WDR6: variants seen among roughly 807,000 people sequenced by gnomAD.
The protein encoded by WDR6 is WD repeat domain 6.
Under a neutral mutation model 85.6 loss-of-function variants are expected in WDR6, and 58 were observed. The observed-to-expected ratio is 0.68, with a 90% confidence interval of 0.55 to 0.84. WDR6 has a LOEUF of 0.84. Ranked by LOEUF, WDR6 falls within the 40% of genes least tolerant of loss-of-function variation. WDR6 has a pLI of 0.00. For missense variants in WDR6, 1,310 were observed against 1,476.4 expected, an observed-to-expected ratio of 0.89 and a Z score of 1.85; for synonymous variants, 569 against 582.2, an observed-to-expected ratio of 0.98 and a Z score of 0.33.
At chr3:49,009,303 T>C in intron 1 of WDR6, among the ~76,000 whole-genome samples, 1 of 68,022 alleles carries the variant, frequency 1.5e-5, no homozygotes, top group African/African-American at 7.1e-5. Flanking sequence ...ACCCTCCCAT[T>C]GCTCCCCACC....
Position 49,014,214 on chromosome 3 carries a change from A to G in WDR6, c.2587A>G (p.Met863Val), listed in dbSNP as rs750786035. Residue 863 changes from methionine (M) to valine (V), a missense_variant, in exon 3 of 6, where the codon ATG (methionine) becomes GTG (valine). Physicochemically the swap from Met to Val is conservative, Grantham distance 21. Transcript: ENST00000608424. This position sits in a 1 kb window ranked among gnomAD's most constrained non-coding sequence, Gnocchi z 4.9. ...AGCTGCATGTTGTCTCTGCAGGTAC[A>G]TGTCCCTTGCTGTGTGTGAACTTGA... ...MVKVDPETRYMSLAVCELDQP... is the reference protein window; with the variant it reads ...MVKVDPETRYVSLAVCELDQP... 4.3e-6 allele frequency: 7 copies of G among 1,613,928 alleles called. No individual in the cohort carries two copies. In the East Asian group the frequency reaches 6.7e-5, roughly 15 times the overall value.
At chr3:49,009,397 ACT>A (rs1321618640) in intron 1 of WDR6, among the ~76,000 whole-genome samples, 1 of 139,958 alleles carries the variant, frequency 7.1e-6, no homozygotes, top group Non-Finnish European at 1.5e-5. Context: ...TTGAATCCTA[ACT>A]CTAAATATTG....
chr3:49,014,089 G>A lies in WDR6; in HGVS notation c.2555G>A (p.Arg852Gln), dbSNP rs373762901. 82 of 1,613,332 alleles carry A rather than the reference G, an allele frequency of 5.1e-5. No individual in the cohort carries two copies. The highest frequency in any genetic ancestry group is 1.6e-4 in the Middle Eastern group (1 of 6,084). ...TGGGACCGGCAACGCAATCGGCATC[G>A]GATGGTTAAGGTAGACCCAGAGACC... ...EYWDRQRNRH[R>Q]MVKVDPETRY... The change falls in exon 2 of 6, where the codon CGG (arginine) becomes CAG (glutamine). Residue 852 changes from arginine (R) to glutamine (Q), a missense_variant. By Grantham distance (43) the Arg-to-Gln change is conservative. Transcript: ENST00000608424. This position sits in a 1 kb window ranked among gnomAD's most constrained non-coding sequence, Gnocchi z 4.9.
rs1323421074 is a variant in WDR6, at chr3:49,014,448, G to A, written c.2732G>A (p.Arg911Gln). ...CTTGCTGAAACCTTCCACCATAAGCGATGTGTCCTCAAGGTCCACTCCTTT... is the reference window on the plus strand; with the variant it reads ...CTTGCTGAAACCTTCCACCATAAGCAATGTGTCCTCAAGGTCCACTCCTTT... ...QLLAETFHHK[R>Q]CVLKVHSFTH... Residue 911 changes from arginine (R) to glutamine (Q), a missense_variant, in exon 4 of 6, where the codon CGA becomes CAA. Physicochemically the swap from Arg to Gln is conservative, Grantham distance 43. Coordinates refer to ENST00000608424, the MANE Select transcript of WDR6 (RefSeq NM_018031.6). The surrounding 1 kb of genome is among the most constrained non-coding windows in gnomAD (Gnocchi z 4.9). The A allele has an allele frequency of 1.1e-5, 18 of 1,613,954 alleles. No homozygotes were observed. The highest frequency in any genetic ancestry group is 2.2e-5 in the East Asian group (1 of 44,888).
Position 49,015,694 on chromosome 3 carries a change from TGTG to T in WDR6, c.*409_*411del. The T allele has an allele frequency of 1.9e-6, 3 of 1,613,648 alleles. No homozygotes were observed. Among genetic ancestry groups the T allele is most frequent in the Non-Finnish European group, 2.5e-6 (3 of 1,179,912 alleles). On this transcript the variant is annotated 3_prime_UTR_variant, in exon 6 of 6. Transcript: ENST00000608424. ...GCGGACGAACATCTGACCAAAGAGG[TGTG>T]GTCGAGGCTCCTGAAAGAGAAAGGG...
In WDR6 at chr3:49,014,139, G is replaced by T. The variant is rs770301572; in HGVS notation, c.2582+23G>T. The T allele has an allele frequency of 1.2e-6, 2 of 1,613,832 alleles. No individual in the cohort carries two copies. Among genetic ancestry groups the T allele is most frequent in the Non-Finnish European group, 1.7e-6 (2 of 1,179,784 alleles). Reference sequence around the variant, plus strand: ...CAGGTAATATATGCTCCTGGGCAGGGTGTGGTATGGGTCATGCAGATGCTC... The same window carrying T: ...CAGGTAATATATGCTCCTGGGCAGGTTGTGGTATGGGTCATGCAGATGCTC... On this transcript the variant is annotated intron_variant, in intron 2 of 5. Transcript: ENST00000608424. The surrounding 1 kb of genome is among the most constrained non-coding windows in gnomAD (Gnocchi z 4.9).
rs751901001 is a variant in WDR6 at position 49,013,790 on chromosome 3, C to T, written c.2256C>T (p.Val752=). 3.7e-6 allele frequency: 6 copies of T among 1,614,132 alleles called. No individual in the cohort carries two copies. Among genetic ancestry groups the T allele is most frequent in the Non-Finnish European group, 5.1e-6 (6 of 1,180,004 alleles). Residue 752 remains valine (V), a synonymous_variant, in exon 2 of 6, where the codon GTC becomes GTT. Coordinates refer to ENST00000608424, the MANE Select transcript of WDR6 (RefSeq NM_018031.6). The surrounding 1 kb of genome is among the most constrained non-coding windows in gnomAD (Gnocchi z 4.6). ...IVITCSEDTT[V]CVLALPTTTG... ...TCACATGTAGTGAGGACACTACTGT[C>T]TGTGTCCTAGCACTCCCTACAACCA...
chr3:49,014,880 G>A lies in WDR6; in HGVS notation c.2958G>A (p.Leu986=). ...LQAHSCGINS[L]HTLPTREGHH... ...CCCACAGCTGTGGTATCAACAGCCT[G>A]CACACCTTGCCCACCCGTGAGGGCC... Residue 986 remains leucine (L), a synonymous_variant, in exon 6 of 6, where the codon CTG becomes CTA. Coordinates refer to ENST00000608424, the MANE Select transcript of WDR6 (RefSeq NM_018031.6). This position sits in a 1 kb window ranked among gnomAD's most constrained non-coding sequence, Gnocchi z 4.9. The A allele has an allele frequency of 6.2e-7, 1 of 1,613,318 alleles. No homozygotes were observed. Among genetic ancestry groups the A allele is most frequent in the Non-Finnish European group, 8.5e-7 (1 of 1,179,464 alleles).
chr3:49,007,740 C>A lies in WDR6; in HGVS notation c.100+209C>A, dbSNP rs545389721. On this transcript the variant is annotated intron_variant, in intron 1 of 5. Coordinates refer to ENST00000608424, the MANE Select transcript of WDR6 (RefSeq NM_018031.6). This position sits in a 1 kb window ranked among gnomAD's most constrained non-coding sequence, Gnocchi z 5.1. The stretch of plus-strand genomic sequence containing the variant: ...GCCCGAGAGACAAAGCTGATGTGGC[C>A]GCCGCGGCGCTTCATAAACTTCAGC... 8 of 1,239,542 alleles carry A rather than the reference C, an allele frequency of 6.5e-6. No homozygotes were observed. The African/African-American group carries it at 1.1e-4, about 17-fold the overall frequency. 76.8% of individuals were successfully genotyped at this position (1,239,542 alleles called of 1,614,324 possible).
chr3:49,013,621 G>A lies in WDR6; in HGVS notation c.2087G>A (p.Arg696Gln), dbSNP rs1018537317. 1.2e-6 allele frequency: 2 copies of A among 1,613,992 alleles called. No individual in the cohort carries two copies. Among genetic ancestry groups the A allele is most frequent in the African/African-American group, 1.3e-5 (1 of 74,888 alleles). The change falls in exon 2 of 6, where the codon CGG (arginine) becomes CAG (glutamine). Residue 696 changes from arginine (R) to glutamine (Q), a missense_variant. Transcript: ENST00000608424. This position sits in a 1 kb window ranked among gnomAD's most constrained non-coding sequence, Gnocchi z 4.6. ...GGCTRPHVIL[R>Q]EGLHGREITC... ...TGCACCCGGCCACACGTGATTCTCCGGGAGGGTCTGCATGGCCGTGAGATC... is the reference window on the plus strand; with the variant it reads ...TGCACCCGGCCACACGTGATTCTCCAGGAGGGTCTGCATGGCCGTGAGATC...
At chr3:49,009,934 C>T (rs1435488686) in intron 1 of WDR6, among the ~76,000 whole-genome samples, 1 of 151,762 alleles carries the variant, frequency 6.6e-6, no homozygotes, top group Non-Finnish European at 1.5e-5. Flanking sequence ...TGCCCTGTTG[C>T]CCAGGCTGGT....
At position 49,015,388 on chromosome 3, in the gene WDR6, G is replaced by A. The variant is rs961779172; in HGVS notation, c.*100G>A. ...TGCCCATGCTCAGCATGCCTTGAGG[G>A]GAGGAGGTGGTGGCCGTGGGTTCCT... On this transcript the variant is annotated 3_prime_UTR_variant, in exon 6 of 6. Coordinates refer to ENST00000608424, the MANE Select transcript of WDR6 (RefSeq NM_018031.6). The A allele has an allele frequency of 2.9e-5, 43 of 1,475,698 alleles. No homozygotes were observed. The highest frequency in any genetic ancestry group is 3.9e-5 in the Non-Finnish European group (43 of 1,088,830). 91.4% of individuals were successfully genotyped at this position (1,475,698 alleles called of 1,614,324 possible). A position where few individuals can be genotyped will look rare whatever the true frequency, so the allele number is the denominator to read the frequency against.
Position 49,012,545 on chromosome 3 carries a change from C to T in WDR6, c.1011C>T (p.Val337=). 4 of 1,614,016 alleles carry T rather than the reference C, an allele frequency of 2.5e-6. No homozygotes were observed. Among genetic ancestry groups the T allele is most frequent in the Non-Finnish European group, 3.4e-6 (4 of 1,180,014 alleles). Residue 337 remains valine, a synonymous_variant, in exon 2 of 6, where the codon GTC becomes GTT. Transcript: ENST00000608424. This position sits in a 1 kb window ranked among gnomAD's most constrained non-coding sequence, Gnocchi z 4.4. ...GGCGTGGGTACCGGGGATTGGGGGT[C>T]TCGGCTCTCTGCTTCAAGTCCCGTA... The part of the protein sequence containing the change: ...LVGRGYRGLG[V]SALCFKSRSR...
At position 49,013,392 on chromosome 3, in the gene WDR6, C is replaced by T. The variant is rs576036071; in HGVS notation, c.1858C>T (p.Arg620Cys). Residue 620 changes from arginine (R) to cysteine (C), a missense_variant, in exon 2 of 6, where the codon CGT (arginine) becomes TGT (cysteine). Transcript: ENST00000608424. The surrounding 1 kb of genome is among the most constrained non-coding windows in gnomAD (Gnocchi z 4.6). ...CRGMNWLAGL[R>C]IVPDGSMVIL... ...AGGCATGAACTGGCTAGCTGGGCTC[C>T]GTATAGTGCCCGATGGGAGCATGGT... The T allele has an allele frequency of 2.5e-5, 40 of 1,614,160 alleles. No individual in the cohort carries two copies. The Middle Eastern group carries it at 4.9e-4, about 20-fold the overall frequency.
Position 49,015,771 on chromosome 3 carries a change from T to G in WDR6, c.*483T>G. 1 of 1,614,114 alleles carries G rather than the reference T, an allele frequency of 6.2e-7. No individual in the cohort carries two copies. The highest frequency in any genetic ancestry group is 8.5e-7 in the Non-Finnish European group (1 of 1,180,000). On this transcript the variant is annotated 3_prime_UTR_variant, in exon 6 of 6. Coordinates refer to ENST00000608424, the MANE Select transcript of WDR6 (RefSeq NM_018031.6). ...CCTTTGCCTTTACCCTATACCTCTC[T>G]GCACGTCCCACCCCATTTTGCTGTG...
rs959619431 is a variant in WDR6 at position 49,015,464 on chromosome 3, C to T, written c.*176C>T. 1.1e-5 allele frequency: 16 copies of T among 1,484,974 alleles called. No homozygotes were observed. Among genetic ancestry groups the T allele is most frequent in the African/African-American group, 4.2e-5 (3 of 71,730 alleles). The allele number at this position is 1,484,974 out of a possible 1,614,324, so 92.0% of individuals were successfully genotyped here. On this transcript the variant is annotated 3_prime_UTR_variant, in exon 6 of 6. Coordinates refer to ENST00000608424, the MANE Select transcript of WDR6 (RefSeq NM_018031.6). The stretch of plus-strand genomic sequence containing the variant: ...AGTGGAGTGCTGCCAAGAATATGCC[C>T]GACTCCCCATGACAAGACAGAACTT...
Position 49,011,764 on chromosome 3 carries a change from A to G in WDR6, c.230A>G (p.Asp77Gly), listed in dbSNP as rs759285128. The change falls in exon 2 of 6, where the codon GAC becomes GGC. Residue 77 changes from aspartate (D) to glycine (G), a missense_variant. Asp to Gly is a moderately conservative substitution (Grantham distance 94). Transcript: ENST00000608424. Reference sequence around the variant, plus strand: ...CGGGTACGGCCAGAGCCTAATGGAGACCTTGACTTGGAGGCCATGGTGGCT... The same window carrying G: ...CGGGTACGGCCAGAGCCTAATGGAGGCCTTGACTTGGAGGCCATGGTGGCT... ...GFRVRPEPNG[D>G]LDLEAMVAVF... 9.9e-6 allele frequency: 16 copies of G among 1,614,162 alleles called. No individual in the cohort carries two copies. The highest frequency in any genetic ancestry group is 4.4e-5 in the South Asian group (4 of 91,078).
At chr3:49,008,979 T>G (rs940065082) in intron 1 of WDR6, 1 of 153,870 alleles carries the variant, frequency 6.5e-6, no homozygotes, top group African/African-American at 2.4e-5. Flanking sequence ...CCTCCCAGGT[T>G]CAAGTGATTC....
chr3:49,014,853 G>A lies in WDR6; in HGVS notation c.2931G>A (p.Gln977=). 1 of 1,608,784 alleles carries A rather than the reference G, an allele frequency of 6.2e-7. No individual in the cohort carries two copies. The highest frequency in any genetic ancestry group is 8.5e-7 in the Non-Finnish European group (1 of 1,176,062). The change falls in exon 6 of 6, where the codon CAG becomes CAA. Residue 977 remains glutamine (Q), a synonymous_variant. Coordinates refer to ENST00000608424, the MANE Select transcript of WDR6 (RefSeq NM_018031.6). This position sits in a 1 kb window ranked among gnomAD's most constrained non-coding sequence, Gnocchi z 4.9. ...YRLGTPSLTL[Q]AHSCGINSLH... ...TTGGCACCCCCTCCCTGACTCTCCA[G>A]GCCCACAGCTGTGGTATCAACAGCC...
Sources: allele counts gnomAD v4.1 joint callset (sites outside exome capture counted in the v4.1 genomes callset), GRCh38; gene constraint gnomAD v4.1.1; non-coding constraint Gnocchi (gnomAD v3.1); transcripts MANE v1.5; gene names NCBI Gene and HGNC (gene_info 2026-07-23, HGNC 2026-07-21).